DCC: variants seen among roughly 807,000 people sequenced by gnomAD.
DCC encodes DCC netrin 1 receptor.
DCC carries 58 observed loss-of-function variants against 172.5 expected under a neutral mutation model. The ratio of observed to expected loss-of-function variants is 0.34; its 90% CI spans 0.27 to 0.42. The LOEUF (loss-of-function observed/expected upper bound fraction) is 0.42, where lower values mean the gene tolerates loss of function less well. Ranked by LOEUF, DCC falls within the 10% of genes least tolerant of loss-of-function variation. The pLI, the probability that DCC is intolerant of heterozygous loss-of-function variation, is 1.00. For missense variants in DCC, 1,740 were observed against 1,791.0 expected (o/e 0.97, Z 0.51); for synonymous variants, 709 against 644.5 (o/e 1.10, Z -1.52).
chr18:53,055,521 G>A (rs774621269), intron 5 of DCC, among the ~76,000 whole-genome samples: 2 of 152,042 alleles, frequency 1.3e-5, no homozygotes, highest in Non-Finnish European at 2.9e-5. Flanking sequence ...CAGTAGAAGG[G>A]CCATTCATTA....
intron 15 of DCC, among the ~76,000 whole-genome samples, chr18:53,368,861 A>T (rs548911963): frequency 9.9e-5 from 15 of 152,088 alleles, no homozygotes; most frequent in African/African-American, 3.6e-4. Flanking sequence ...TAAGTTTTGA[A>T]ATCAAAAAGT....
intron 7 of DCC, among the ~76,000 whole-genome samples, chr18:53,103,237 A>G (rs1418173059): frequency 2.6e-5 from 4 of 152,054 alleles, no homozygotes; most frequent in African/African-American, 9.7e-5. Flanking sequence ...AGCTTCTATC[A>G]GTGAGAGACA....
At chr18:52,599,024 A>G (rs984530415) in intron 1 of DCC, among the ~76,000 whole-genome samples, 1 of 152,192 alleles carries the variant, frequency 6.6e-6, no homozygotes, top group South Asian at 2.1e-4. Context: ...TAAAGGCTAC[A>G]TCTCTCAACA....
At chr18:52,778,564 A>G (rs1218388227) in intron 2 of DCC, among the ~76,000 whole-genome samples, 1 of 152,168 alleles carries the variant, frequency 6.6e-6, no homozygotes. Context: ...TTGTTGTTAA[A>G]GTTTCTAAAA....
At chr18:53,053,334 A>G (rs1445822842) in intron 5 of DCC, among the ~76,000 whole-genome samples, 1 of 152,076 alleles carries the variant, frequency 6.6e-6, no homozygotes, top group Non-Finnish European at 1.5e-5. Context: ...TTTCTGTTTT[A>G]CTCCAGAAAC....
At chr18:52,984,152 T>C (rs1438417370) in intron 5 of DCC, among the ~76,000 whole-genome samples, 1 of 152,270 alleles carries the variant, frequency 6.6e-6, no homozygotes, top group East Asian at 1.9e-4. Flanking sequence ...TAGAAAATGA[T>C]TTAAAGTATG....
chr18:53,161,684 C>T (rs1048015962), intron 8 of DCC, among the ~76,000 whole-genome samples: 2 of 152,154 alleles, frequency 1.3e-5, no homozygotes, highest in African/African-American at 4.8e-5. Context: ...CCACCAAATA[C>T]TTCATCATTC....
At chr18:53,188,404 C>T (rs528150712) in intron 9 of DCC, among the ~76,000 whole-genome samples, 1 of 152,250 alleles carries the variant, frequency 6.6e-6, no homozygotes, top group South Asian at 2.1e-4. Context: ...CTGTATTCTG[C>T]TGTTTGTTTT....
intron 1 of DCC, among the ~76,000 whole-genome samples, chr18:52,703,672 C>T (rs889945124): frequency 6.6e-6 from 1 of 151,940 alleles, no homozygotes; most frequent in Non-Finnish European, 1.5e-5. Flanking sequence ...ACACTGCTTC[C>T]TCTATTATCT....
chr18:52,612,986 G>C (rs1231375772), intron 1 of DCC, among the ~76,000 whole-genome samples: 1 of 152,106 alleles, frequency 6.6e-6, no homozygotes, highest in Non-Finnish European at 1.5e-5. Context: ...CTACAAATAA[G>C]TCTATATCTG....
At chr18:52,859,202 C>CA (rs2039097505) in intron 2 of DCC, among the ~76,000 whole-genome samples, 1 of 151,934 alleles carries the variant, frequency 6.6e-6, no homozygotes, top group African/African-American at 2.4e-5. Flanking sequence ...CCTAAGATCA[C>CA]AAAACTAGTT....
chr18:53,291,412 C>A (rs1443947888), intron 12 of DCC, among the ~76,000 whole-genome samples: 1 of 151,998 alleles, frequency 6.6e-6, no homozygotes, highest in Non-Finnish European at 1.5e-5. Flanking sequence ...CGTATTTAAA[C>A]CTTCTTTCTC....
chr18:52,856,469 A>G (rs2039054510), intron 2 of DCC, among the ~76,000 whole-genome samples: 1 of 151,888 alleles, frequency 6.6e-6, no homozygotes, highest in Non-Finnish European at 1.5e-5. Flanking sequence ...ACTAAAAAAT[A>G]CAAAAAAATA....
At chr18:53,499,271 G>T in intron 26 of DCC, 27 bp from the exon 27 acceptor site, 1 of 1,611,988 alleles carries the variant, frequency 6.2e-7, no homozygotes, top group South Asian at 1.1e-5. Flanking sequence ...CAGGAATAAT[G>T]AATGACTTTT....
intron 2 of DCC, among the ~76,000 whole-genome samples, chr18:52,772,874 A>T (rs1461427766): frequency 6.6e-6 from 1 of 152,216 alleles, no homozygotes; most frequent in Non-Finnish European, 1.5e-5. Flanking sequence ...CTTCTTGCTT[A>T]TCCTGGAGAC....
At chr18:53,459,016 T>C (rs1342042623) in intron 23 of DCC, among the ~76,000 whole-genome samples, 1 of 152,122 alleles carries the variant, frequency 6.6e-6, no homozygotes, top group African/African-American at 2.4e-5. Context: ...GCCGAGGCCC[T>C]GGGGATTCAG....
chr18:52,591,896 C>A (rs1473623708), intron 1 of DCC, among the ~76,000 whole-genome samples: 1 of 151,666 alleles, frequency 6.6e-6, no homozygotes, highest in African/African-American at 2.4e-5. Context: ...TTACATGCCC[C>A]ACCATGGCCT....
intron 1 of DCC, among the ~76,000 whole-genome samples, chr18:52,343,380 A>G (rs1286496568): frequency 2.0e-5 from 3 of 152,182 alleles, no homozygotes; most frequent in Admixed American, 6.5e-5. Context: ...GTTGATTGGT[A>G]ACAAAGGATT....
Position 53,476,026 on chromosome 18 carries a change from C to T in DCC, c.3736+8016C>T, listed in dbSNP as rs529976043. On this transcript the variant is annotated intron_variant, in intron 25 of 28. Transcript: ENST00000442544. ...ATTTTGGAGCTTTAAGATTTGACTG[C>T]CCTACTGAATTTCAGACTTGCATGG... Among the ~76,000 whole-genome samples, 3 of 152,306 alleles carry T rather than the reference C, an allele frequency of 2.0e-5. No individual in the cohort carries two copies. The East Asian group carries it at 5.8e-4, about 29-fold the overall frequency.
Sources: gnomAD v4.1 joint callset for allele counts (sites outside exome capture counted in the v4.1 genomes callset) on GRCh38, gnomAD v4.1.1 for gene constraint, MANE v1.5 for transcripts, NCBI Gene and HGNC (gene_info 2026-07-23, HGNC 2026-07-21) for gene names.